Variants in THSD4 observed in about 807,000 individuals in gnomAD.
THSD4 encodes thrombospondin type-1 domain-containing protein 4.
In THSD4, 69 loss-of-function variants were observed where a neutral mutation model predicts 119.0. That is an observed-to-expected ratio of 0.58 (90% CI 0.48 to 0.71). The LOEUF (loss-of-function observed/expected upper bound fraction) is 0.71. Among genes scored for constraint, THSD4 ranks in the 30% least tolerant of loss-of-function variants. The probability of loss-of-function intolerance (pLI) is 0.00; values close to 1 mark genes in which losing one functional copy is unlikely to be tolerated. For missense variants in THSD4, 1,393 were observed against 1,391.1 expected (o/e 1.00, Z -0.02); for synonymous variants, 524 against 540.4 (o/e 0.97, Z 0.42).
At chr15:71,765,624 C>CA (rs2053702260) in intron 16 of THSD4, among the ~76,000 whole-genome samples, 2 of 152,176 alleles carry the variant, frequency 1.3e-5, no homozygotes, top group African/African-American at 4.8e-5. Flanking sequence ...CATCTGATGC[C>CA]AGGCGTGGTG....
At chr15:71,694,922 A>T (rs559508798) in intron 8 of THSD4, among the ~76,000 whole-genome samples, 1 of 152,168 alleles carries the variant, frequency 6.6e-6, no homozygotes, top group East Asian at 1.9e-4. Context: ...GCAGCAGCCC[A>T]CAGGAGATGG....
At chr15:71,136,695 C>A (rs1567135175) in intron 1 of THSD4, among the ~76,000 whole-genome samples, 1 of 152,028 alleles carries the variant, frequency 6.6e-6, no homozygotes, top group East Asian at 1.9e-4. Context: ...GTGGAACTGG[C>A]GCCTGCAGTG....
In THSD4 at chr15:71,757,944, G is replaced by C. The variant is rs752407765; in HGVS notation, c.2458G>C (p.Val820Leu). 1 of 1,614,018 alleles carries C rather than the reference G, an allele frequency of 6.2e-7. No homozygotes were observed. The highest frequency in any genetic ancestry group is 1.1e-5 in the South Asian group (1 of 91,082). The change falls in exon 15 of 18, where the codon GTG becomes CTG. Residue 820 changes from valine to leucine, a missense_variant. Transcript: ENST00000261862. ...GGCCGGAGTGCGGACACGCTCGGTG[G>C]TGTGCATGACCAACCATGTCAGCAG... ...CGAGVRTRSV[V>L]CMTNHVSSLP...
intron 10 of THSD4, among the ~76,000 whole-genome samples, chr15:71,736,203 G>T (rs1019437896): frequency 4.6e-5 from 6 of 131,562 alleles, no homozygotes; most frequent in Middle Eastern, 6.3e-3. Context: ...CTTGCTCTCT[G>T]TCTCTCTGTT....
chr15:71,192,182 G>A (rs768110732), intron 3 of THSD4, among the ~76,000 whole-genome samples: 44 of 152,062 alleles, frequency 2.9e-4, no homozygotes, highest in Non-Finnish European at 6.0e-4. Flanking sequence ...GATTACAGGT[G>A]TGAGCCACCG....
chr15:71,677,449 T>G (rs897125018), intron 8 of THSD4, among the ~76,000 whole-genome samples: 1 of 152,232 alleles, frequency 6.6e-6, no homozygotes, highest in African/African-American at 2.4e-5. Context: ...TTGCTGTGAT[T>G]TGGAAAGATG....
At chr15:71,467,791 G>A (rs959975010) in intron 7 of THSD4, among the ~76,000 whole-genome samples, 5 of 151,954 alleles carry the variant, frequency 3.3e-5, no homozygotes, top group Non-Finnish European at 5.9e-5. Flanking sequence ...TCATAGGGGC[G>A]GGTCTTTCTC....
At chr15:71,618,415 C>CA (rs762884637) in intron 7 of THSD4, among the ~76,000 whole-genome samples, 1 of 152,156 alleles carries the variant, frequency 6.6e-6, no homozygotes, top group Non-Finnish European at 1.5e-5. Context: ...TCAAAAACAA[C>CA]AGAGCGCAGA....
chr15:71,432,729 T>C (rs2046958768), intron 7 of THSD4, among the ~76,000 whole-genome samples: 1 of 152,094 alleles, frequency 6.6e-6, no homozygotes, highest in African/African-American at 2.4e-5. Context: ...TAAACTTTTA[T>C]AACCTCTTAA....
intron 7 of THSD4, among the ~76,000 whole-genome samples, chr15:71,659,729 G>A (rs954459): frequency 0.26 from 39,627 of 152,056 alleles, 5,956 homozygotes; most frequent in East Asian, 0.7. Context: ...TAATTTGTGT[G>A]TGCGACATAA....
At chr15:71,696,422 G>A (rs761660873) in intron 8 of THSD4, among the ~76,000 whole-genome samples, 148 of 152,228 alleles carry the variant, frequency 9.7e-4, no homozygotes, top group Middle Eastern at 3.4e-3. Flanking sequence ...CAGCTAAAAG[G>A]AAACAAAGCC....
In THSD4 at chr15:71,519,851, C is replaced by A. The variant is rs569263328; in HGVS notation, c.1152+108028C>A. ...GGCAAGAAATGACTGTTTATCCTACCTCCAGGCCCTGGGTGTGAGGAGTGA... is the reference window on the plus strand; with the variant it reads ...GGCAAGAAATGACTGTTTATCCTACATCCAGGCCCTGGGTGTGAGGAGTGA... On this transcript the variant is annotated intron_variant, in intron 7 of 17. Transcript: ENST00000261862. Among the ~76,000 whole-genome samples the A allele has an allele frequency of 3.7e-4, 56 of 152,236 alleles. 4 individuals are homozygous for A. In the South Asian group the frequency reaches 0.011, roughly 31 times the overall value.
At chr15:71,556,485 G>A (rs1267657345) in intron 7 of THSD4, among the ~76,000 whole-genome samples, 1 of 152,058 alleles carries the variant, frequency 6.6e-6, no homozygotes, top group African/African-American at 2.4e-5. Flanking sequence ...GGTGGCTCAT[G>A]TTTGTAATGC....
chr15:71,614,850 T>C (rs2050293841), intron 7 of THSD4, among the ~76,000 whole-genome samples: 1 of 152,204 alleles, frequency 6.6e-6, no homozygotes. Flanking sequence ...CAGCTGGACC[T>C]GAAAGGGAAA....
chr15:71,774,321 A>AC (rs1165879153), intron 17 of THSD4, among the ~76,000 whole-genome samples: 6 of 124,920 alleles, frequency 4.8e-5, no homozygotes, highest in African/African-American at 1.3e-4. Context: ...AAAAAAAAAA[A>AC]AAAAAACTAC....
chr15:71,573,176 G>C (rs371760806), intron 7 of THSD4, among the ~76,000 whole-genome samples: 3 of 152,132 alleles, frequency 2.0e-5, no homozygotes, highest in Non-Finnish European at 4.4e-5. Flanking sequence ...AGCCTCCTAG[G>C]TACAGGAATC....
intron 3 of THSD4, among the ~76,000 whole-genome samples, chr15:71,173,945 T>C (rs2043411743): frequency 6.6e-6 from 1 of 152,060 alleles, no homozygotes; most frequent in Non-Finnish European, 1.5e-5. Context: ...TCAAAATGGA[T>C]GAAACATCTA....
intron 7 of THSD4, among the ~76,000 whole-genome samples, chr15:71,599,553 C>G (rs968456167): frequency 6.6e-6 from 1 of 152,190 alleles, no homozygotes; most frequent in Non-Finnish European, 1.5e-5. Flanking sequence ...TGGAGTATCT[C>G]AAGGGTAGAA....
intron 7 of THSD4, among the ~76,000 whole-genome samples, chr15:71,653,615 C>T (rs1365513703): frequency 6.6e-6 from 1 of 152,182 alleles, no homozygotes; most frequent in Non-Finnish European, 1.5e-5. Flanking sequence ...GAGAAGCCCT[C>T]ACCTTGAGGA....
Sources: allele counts gnomAD v4.1 joint callset (sites outside exome capture counted in the v4.1 genomes callset), GRCh38; gene constraint gnomAD v4.1.1; transcripts MANE v1.5; gene names NCBI Gene and HGNC (gene_info 2026-07-23, HGNC 2026-07-21).